The following AGBL1 variants were observed in gnomAD, a reference collection of about 807,000 sequenced individuals.
AGBL1 encodes the protein AGBL carboxypeptidase 1, also known as cytosolic carboxypeptidase 4.
AGBL1 carries 130 observed loss-of-function variants against 118.9 expected under a neutral mutation model. The ratio of observed to expected loss-of-function variants is 1.09; its 90% CI spans 0.95 to 1.26. The LOEUF (loss-of-function observed/expected upper bound fraction) is 1.26. Ranked by LOEUF, AGBL1 falls within the 50% of genes most tolerant of loss-of-function variation. AGBL1 has a pLI of 0.00. For synonymous variants in AGBL1, 555 were observed against 478.9 expected (o/e 1.16, Z -2.08); for missense variants, 1,584 against 1,298.1 (o/e 1.22, Z -3.38).
chr15:86,191,570 T>C (rs930460616), intron 5 of AGBL1, among the ~76,000 whole-genome samples: 18 of 152,034 alleles, frequency 1.2e-4, no homozygotes, highest in African/African-American at 4.3e-4. Context: ...GGGATGATGC[T>C]GTTATCAAGA....
At position 86,556,807 on chromosome 15, in the gene AGBL1, A is replaced by T. The variant is rs117068972; in HGVS notation, c.2994+2270A>T. 5.2e-3 allele frequency among the ~76,000 whole-genome samples: 796 copies of T among 152,320 alleles called. 7 individuals carry two copies. Among genetic ancestry groups the T allele is most frequent in the Non-Finnish European group, 8.6e-3 (584 of 68,026 alleles). On this transcript the variant is annotated intron_variant, in intron 21 of 22. Coordinates refer to ENST00000614907, the MANE Select transcript of AGBL1 (RefSeq NM_001386094.1). ...TATCCAAAAGATGGAGGATACTTAA[A>T]TACACCCGTGAGAGGCATTCTTTCC...
chr15:86,106,989 T>C (rs952285670), intron 1 of AGBL1, among the ~76,000 whole-genome samples: 47 of 152,212 alleles, frequency 3.1e-4, no homozygotes, highest in African/African-American at 1.1e-3. Context: ...ATTGTTGAAC[T>C]ATATGAGTGA....
intron 22 of AGBL1, among the ~76,000 whole-genome samples, chr15:86,904,189 A>G (rs1248741077): frequency 2.6e-5 from 4 of 152,264 alleles, no homozygotes; most frequent in Non-Finnish European, 5.9e-5. Context: ...TGGCATTTCC[A>G]GCTCTCAGCT....
intron 5 of AGBL1, among the ~76,000 whole-genome samples, chr15:86,200,301 ATT>A (rs1211096435): frequency 6.6e-6 from 1 of 152,198 alleles, no homozygotes; most frequent in Non-Finnish European, 1.5e-5. Context: ...GAGACTTAAA[ATT>A]TTTTTAGTGA....
chr15:86,599,641 A>G (rs1319619445), intron 21 of AGBL1, among the ~76,000 whole-genome samples: 1 of 152,120 alleles, frequency 6.6e-6, no homozygotes, highest in African/African-American at 2.4e-5. Flanking sequence ...TGATAATATC[A>G]TGTTCCACAA....
chr15:86,503,484 T>C (rs2082939738), intron 18 of AGBL1, among the ~76,000 whole-genome samples: 2 of 151,168 alleles, frequency 1.3e-5, no homozygotes, highest in South Asian at 4.1e-4. Flanking sequence ...CAGGTTTTCC[T>C]CTTCTTTTCT....
intron 6 of AGBL1, among the ~76,000 whole-genome samples, chr15:86,227,974 C>G (rs1050865895): frequency 6.6e-6 from 1 of 152,134 alleles, no homozygotes; most frequent in Admixed American, 6.5e-5. Flanking sequence ...TCATTTAAAT[C>G]GCAAAGTCTG....
intron 23 of AGBL1, among the ~76,000 whole-genome samples, chr15:86,959,213 G>A (rs2080965351): frequency 6.6e-6 from 1 of 151,984 alleles, no homozygotes; most frequent in African/African-American, 2.4e-5. Flanking sequence ...ATTGCTCTCT[G>A]TTTTTATATG....
chr15:86,369,104 A>G (rs1025404), intron 17 of AGBL1, among the ~76,000 whole-genome samples: 37,190 of 152,058 alleles, frequency 0.24, 5,332 homozygotes, highest in East Asian at 0.65. Flanking sequence ...TAAGGGAACA[A>G]TTAATGGATG....
chr15:86,766,029 A>G (rs557571133), intron 22 of AGBL1, among the ~76,000 whole-genome samples: 1 of 152,002 alleles, frequency 6.6e-6, no homozygotes, highest in Non-Finnish European at 1.5e-5. Flanking sequence ...CATAACCAAT[A>G]TTTACTGAGT....
intron 17 of AGBL1, among the ~76,000 whole-genome samples, chr15:86,298,265 A>ATG (rs1365659152): frequency 2.9e-5 from 3 of 104,384 alleles, no homozygotes; most frequent in Non-Finnish European, 5.7e-5. Context: ...ATATATATAT[A>ATG]TATATATATA....
chr15:86,814,549 T>G (rs2078834077), intron 22 of AGBL1, among the ~76,000 whole-genome samples: 1 of 152,156 alleles, frequency 6.6e-6, no homozygotes, highest in Non-Finnish European at 1.5e-5. Context: ...TCTCTGGATC[T>G]CAAAAGGGAT....
At chr15:86,240,875 C>T (rs1013264001) in intron 6 of AGBL1, among the ~76,000 whole-genome samples, 4 of 152,228 alleles carry the variant, frequency 2.6e-5, no homozygotes, top group Non-Finnish European at 4.4e-5. Flanking sequence ...TATTCTTACT[C>T]ATATATGTCT....
chr15:86,357,136 AC>A (rs2080734011), intron 17 of AGBL1, among the ~76,000 whole-genome samples: 1 of 152,162 alleles, frequency 6.6e-6, no homozygotes, highest in Non-Finnish European at 1.5e-5. Flanking sequence ...TCTTCACCTA[AC>A]AGGGAGTCAT....
chr15:86,845,512 A>G (rs1437913259), intron 22 of AGBL1, among the ~76,000 whole-genome samples: 1 of 152,052 alleles, frequency 6.6e-6, no homozygotes, highest in Non-Finnish European at 1.5e-5. Context: ...TGCTAATAAT[A>G]TGTGTTTATA....
intron 23 of AGBL1, among the ~76,000 whole-genome samples, chr15:86,958,720 T>TA (rs2080958981): frequency 6.6e-6 from 1 of 152,172 alleles, no homozygotes; most frequent in Admixed American, 6.6e-5. Context: ...ACAAATGTAT[T>TA]CAAAGGGATA....
At chr15:87,016,111 A>T (rs1048685817) in intron 24 of AGBL1, among the ~76,000 whole-genome samples, 1 of 152,220 alleles carries the variant, frequency 6.6e-6, no homozygotes, top group Admixed American at 6.5e-5. Context: ...GTTTAATTTA[A>T]TGCTTTCCAT....
intron 1 of AGBL1, among the ~76,000 whole-genome samples, chr15:86,134,031 C>T (rs11852853): frequency 1.2e-4 from 19 of 152,286 alleles, no homozygotes; most frequent in African/African-American, 2.9e-4. Flanking sequence ...TTCTTATGAA[C>T]TCATTTCAAC....
chr15:86,379,384 T>C (rs2081083014), intron 17 of AGBL1, among the ~76,000 whole-genome samples: 1 of 152,212 alleles, frequency 6.6e-6, no homozygotes, highest in East Asian at 1.9e-4. Context: ...TTTTATGTTT[T>C]ACAGAAAACT....
Sources: allele counts gnomAD v4.1 joint callset (sites outside exome capture counted in the v4.1 genomes callset), GRCh38; gene constraint gnomAD v4.1.1; transcripts MANE v1.5; gene names NCBI Gene and HGNC (gene_info 2026-07-23, HGNC 2026-07-21).